The following ATP5MC1 variants were observed in gnomAD, a reference collection of about 807,000 sequenced individuals.
ATP5MC1 encodes the protein ATP synthase F(0) complex subunit C1, mitochondrial.
Under a neutral mutation model 12.1 loss-of-function variants are expected in ATP5MC1, and 4 were observed. The observed-to-expected ratio is 0.33, with a 90% CI of 0.16 to 0.76. The LOEUF (loss-of-function observed/expected upper bound fraction) is 0.76, where lower values mean the gene tolerates loss of function less well. Among genes scored for constraint, ATP5MC1 ranks in the 30% least tolerant of loss-of-function variants. The pLI is 0.61. For missense variants in ATP5MC1, 117 were observed against 172.1 expected, an observed-to-expected ratio of 0.68 and a Z score of 1.79; for synonymous variants, 52 against 66.0, an observed-to-expected ratio of 0.79 and a Z score of 1.03.
At chr17:48,894,320 G>T in intron 2 of ATP5MC1, 52 bp from the exon 3 acceptor site, 1 of 1,566,724 alleles carries the variant, frequency 6.4e-7, no homozygotes, top group South Asian at 1.1e-5. Flanking sequence ...TCAGCAATTA[G>T]GATTTTTTTT....
intron 3 of ATP5MC1, 40 bp downstream of exon 3, chr17:48,894,489 C>G: frequency 6.3e-7 from 1 of 1,593,540 alleles, no homozygotes; most frequent in South Asian, 1.1e-5. Context: ...TTCCCAAGGC[C>G]CAGGATGGTG....
At chr17:48,892,978 C>T (rs755094225) in intron 1 of ATP5MC1, 68 bp downstream of exon 1, 6 of 174,034 alleles carry the variant, frequency 3.4e-5, no homozygotes, top group Non-Finnish European at 6.2e-5. Context: ...GGTATTTCCC[C>T]CCAGTGCTGG....
intron 2 of ATP5MC1, chr17:48,893,660 G>A: frequency 1.6e-6 from 1 of 627,698 alleles, no homozygotes; most frequent in Non-Finnish European, 2.8e-6. Flanking sequence ...AGAGAGTCTG[G>A]ATTTGATTTT....
At chr17:48,894,488 C>T (rs376776545) in intron 3 of ATP5MC1, 39 bp downstream of exon 3, 13 of 1,593,274 alleles carry the variant, frequency 8.2e-6, no homozygotes, top group African/African-American at 5.4e-5. Flanking sequence ...GTTCCCAAGG[C>T]CCAGGATGGT....
Position 48,893,456 on chromosome 17 carries a change from G to T in ATP5MC1, c.39G>T (p.Leu13=). The change falls in exon 2 of 5, where the codon CTG becomes CTT. Residue 13 remains leucine, a splice_region_variant and synonymous_variant. Transcript: ENST00000393366. The part of the protein sequence containing the change: ...TAGALFISPA[L]IRCCTRGLIR... ...GGGCATTATTCATTTCTCCAGCTCT[G>T]GTAAGGTGCCGCGCCGCAGTGCTCT... 6.2e-7 allele frequency: 1 copy of T among 1,613,936 alleles called. No homozygotes were observed. The highest frequency in any genetic ancestry group is 8.5e-7 in the Non-Finnish European group (1 of 1,180,018).
Position 48,895,280 on chromosome 17 carries a change from G to A in ATP5MC1, c.242G>A (p.Gly81Asp). The A allele has an allele frequency of 1.9e-6, 3 of 1,607,292 alleles. No individual in the cohort carries two copies. Among genetic ancestry groups the A allele is most frequent in the Non-Finnish European group, 2.6e-6 (3 of 1,174,648 alleles). ...GGGGCAGCCACAGTTGGTGTGGCTG[G>A]TTCAGGGGCTGGCATTGGAACCGTG... ...GAGAATVGVA[G>D]SGAGIGTVFG... The change falls in exon 4 of 5, where the codon GGT becomes GAT. Residue 81 changes from glycine to aspartate, a missense_variant. By Grantham distance (94) the Gly-to-Asp change is moderately conservative. Coordinates refer to ENST00000393366, the MANE Select transcript of ATP5MC1 (RefSeq NM_005175.3).
At position 48,894,388 on chromosome 17, in the gene ATP5MC1, G is replaced by A. The variant is rs751080645; in HGVS notation, c.56G>A (p.Arg19Lys). 5.4e-5 allele frequency: 87 copies of A among 1,613,880 alleles called. No homozygotes were observed. The Middle Eastern group carries it at 2.6e-3, about 49-fold the overall frequency. ...ISPALIRCCT[R>K]GLIRPVSASF... ...ATTTTACAGATCCGCTGTTGTACCA[G>A]GGGTCTAATCAGGCCTGTGTCTGCC... Residue 19 changes from arginine to lysine, a missense_variant, in exon 3 of 5, where the codon AGG becomes AAG. Coordinates refer to ENST00000393366, the MANE Select transcript of ATP5MC1 (RefSeq NM_005175.3).
At position 48,895,170 on chromosome 17, in the gene ATP5MC1, C is replaced by T; in HGVS notation, c.132C>T (p.Asn44=). 1 of 1,605,160 alleles carries T rather than the reference C, an allele frequency of 6.2e-7. No individual in the cohort carries two copies. Among genetic ancestry groups the T allele is most frequent in the Non-Finnish European group, 8.5e-7 (1 of 1,172,884 alleles). Reference sequence around the variant, plus strand: ...TCTCTTTCTAGCCTTCCTACAGCAACTTCCCACTCCAGGTGGCCAGACGGG... The same window carrying T: ...TCTCTTTCTAGCCTTCCTACAGCAATTTCCCACTCCAGGTGGCCAGACGGG... ...VNSSKQPSYS[N]FPLQVARREF... is the part of the protein sequence containing the mutation. Residue 44 remains asparagine, a synonymous_variant, in exon 4 of 5, where the codon AAC becomes AAT. Transcript: ENST00000393366.
intron 3 of ATP5MC1, 155 bp from the exon 4 acceptor site, chr17:48,895,001 C>T: frequency 1.1e-6 from 1 of 875,712 alleles, no homozygotes; most frequent in Non-Finnish European, 1.8e-6. Flanking sequence ...GACTAATTCC[C>T]AGCATACTCT....
rs2040561276 is a variant in ATP5MC1 at position 48,895,216 on chromosome 17, T to A, written c.178T>A (p.Ser60Thr). 1 of 1,612,522 alleles carries A rather than the reference T, an allele frequency of 6.2e-7. No homozygotes were observed. The highest frequency in any genetic ancestry group is 8.5e-7 in the Non-Finnish European group (1 of 1,178,682). Reference protein sequence around the residue: ...ARREFQTSVVSRDIDTAAKFI... With the variant: ...ARREFQTSVVTRDIDTAAKFI... ...ACGGGAGTTCCAGACCAGTGTTGTC[T>A]CCCGGGACATTGACACAGCAGCCAA... is the stretch of plus-strand genomic sequence containing the variant. Residue 60 changes from serine (S) to threonine (T), a missense_variant, in exon 4 of 5, where the codon TCC (serine) becomes ACC (threonine). Ser to Thr is a moderately conservative substitution (Grantham distance 58). Transcript: ENST00000393366.
intron 2 of ATP5MC1, 142 bp from the exon 3 acceptor site, chr17:48,894,230 C>A (rs2040552831): frequency 6.3e-6 from 5 of 799,254 alleles, no homozygotes; most frequent in Admixed American, 2.1e-5. Context: ...GCAGGCCTAT[C>A]TGATAGGAAC....
chr17:48,895,475 C>A, intron 4 of ATP5MC1, 141 bp downstream of exon 4: 1 of 1,381,248 alleles, frequency 7.2e-7, no homozygotes, highest in Non-Finnish European at 9.9e-7. Context: ...ATGCATCCAG[C>A]CTGGCTCACT....
At chr17:48,895,451 T>G (rs1209456234) in intron 4 of ATP5MC1, 117 bp downstream of exon 4, 2 of 1,443,050 alleles carry the variant, frequency 1.4e-6, no homozygotes, top group East Asian at 4.7e-5. Flanking sequence ...CATCATAGTT[T>G]CTCCAGAGAA....
Position 48,895,326 on chromosome 17 carries a change from C to T in ATP5MC1, c.288C>T (p.Gly96=). 1 of 1,588,096 alleles carries T rather than the reference C, an allele frequency of 6.3e-7. No individual in the cohort carries two copies. The highest frequency in any genetic ancestry group is 8.6e-7 in the Non-Finnish European group (1 of 1,160,404). The part of the protein sequence containing the change: ...IGTVFGSLII[G]YARNPSLKQQ... ...CCGTGTTTGGCAGCTTGATCATTGG[C>T]TATGCCAGGTAAGTTTGGGTGGTCT... is the stretch of plus-strand genomic sequence containing the variant. Residue 96 remains glycine (G), a synonymous_variant, in exon 4 of 5, where the codon GGC becomes GGT. Coordinates refer to ENST00000393366, the MANE Select transcript of ATP5MC1 (RefSeq NM_005175.3).
chr17:48,893,523 G>T, intron 2 of ATP5MC1, 67 bp downstream of exon 2: 1 of 1,580,168 alleles, frequency 6.3e-7, no homozygotes, highest in Non-Finnish European at 8.7e-7. Context: ...AGTGTTTAAT[G>T]AATGAACCCA....
At chr17:48,894,143 T>C (rs1365069961) in intron 2 of ATP5MC1, 2 of 488,932 alleles carry the variant, frequency 4.1e-6, no homozygotes, top group Non-Finnish European at 7.4e-6. Flanking sequence ...CCCAAAGAAG[T>C]GAACTTTGGT....
intron 3 of ATP5MC1, 155 bp downstream of exon 3, chr17:48,894,604 C>T: frequency 1.4e-6 from 1 of 692,720 alleles, no homozygotes; most frequent in East Asian, 2.9e-5. Flanking sequence ...CCCATCTCTA[C>T]AAAAAAAATA....
intron 3 of ATP5MC1, 146 bp downstream of exon 3, chr17:48,894,595 C>T (rs1598062834): frequency 8.1e-6 from 6 of 744,928 alleles, no homozygotes; most frequent in African/African-American, 7.1e-5. Context: ...CAGTGAAACC[C>T]CATCTCTACA....
Position 48,895,160 on chromosome 17 carries a change from C to T in ATP5MC1, c.122C>T (p.Ser41Phe). ...CTGCCTTGCTTCTCTTTCTAGCCTTCCTACAGCAACTTCCCACTCCAGGTG... is the reference window on the plus strand; with the variant it reads ...CTGCCTTGCTTCTCTTTCTAGCCTTTCTACAGCAACTTCCCACTCCAGGTG... ...NSPVNSSKQPSYSNFPLQVAR... is the reference protein window; with the variant it reads ...NSPVNSSKQPFYSNFPLQVAR... Residue 41 changes from serine to phenylalanine, a missense_variant, in exon 4 of 5, where the codon TCC (serine) becomes TTC (phenylalanine). Physicochemically the swap from Ser to Phe is radical, Grantham distance 155. Transcript: ENST00000393366. The T allele has an allele frequency of 6.2e-7, 1 of 1,603,954 alleles. No individual in the cohort carries two copies. Among genetic ancestry groups the T allele is most frequent in the South Asian group, 1.1e-5 (1 of 90,648 alleles).
Sources: gnomAD v4.1 joint callset for allele counts on GRCh38, gnomAD v4.1.1 for gene constraint, MANE v1.5 for transcripts, NCBI Gene and HGNC (gene_info 2026-07-23, HGNC 2026-07-21) for gene names.